NEK9: variants seen among roughly 807,000 people sequenced by gnomAD.
The protein encoded by NEK9 is serine/threonine-protein kinase Nek9.
NEK9 carries 75 observed loss-of-function variants against 123.4 expected under a neutral mutation model. The ratio of observed to expected loss-of-function variants is 0.61; its 90% confidence interval spans 0.50 to 0.74. NEK9 has a LOEUF of 0.74. Among genes scored for constraint, NEK9 ranks in the 30% least tolerant of loss-of-function variants. The pLI is 0.00. For missense variants in NEK9, 952 were observed against 1,214.4 expected (o/e 0.78, Z 3.21); for synonymous variants, 438 against 458.7 (o/e 0.95, Z 0.58).
chr14:75,112,665 T>TAGAAAAATTAGCCAGGCATGATGGTGCA (rs1277481869), intron 8 of NEK9, among the ~76,000 whole-genome samples: 3 of 152,002 alleles, frequency 2.0e-5, no homozygotes, highest in African/African-American at 7.2e-5. Flanking sequence ...TCTATAAAAA[T>TAGAAAAATTAGCCAGGCATGATGGTGCA]AGAAAAATTA....
chr14:75,110,224 C>T, intron 9 of NEK9, 97 bp downstream of exon 9: 4 of 920,948 alleles, frequency 4.3e-6, no homozygotes, highest in Non-Finnish European at 6.9e-6. Context: ...GAAAGGATGC[C>T]AAAGTATCCT....
At chr14:75,104,079 A>G (rs960721111) in intron 13 of NEK9, 82 bp from the exon 14 acceptor site, 2 of 1,384,382 alleles carry the variant, frequency 1.4e-6, no homozygotes, top group African/African-American at 2.9e-5. Context: ...TTCAAAAGAG[A>G]CATGCTGCAT....
chr14:75,106,358 C>T (rs998113433), intron 12 of NEK9, 144 bp downstream of exon 12: 9 of 639,992 alleles, frequency 1.4e-5, no homozygotes, highest in East Asian at 3.1e-5. Context: ...GACTCTGTCT[C>T]GAGAAAAAAA....
In NEK9 at chr14:75,101,145, G is replaced by A. The variant is rs201467809; in HGVS notation, c.1849C>T (p.Arg617Trp). The A allele has an allele frequency of 3.1e-6, 5 of 1,613,890 alleles. No individual in the cohort carries two copies. The highest frequency in any genetic ancestry group is 3.3e-5 in the Admixed American group (2 of 59,944). The stretch of plus-strand genomic sequence containing the variant: ...TTGTTGCAGCCAAAGGTCAGCAGCC[G>A]GCCTCGCTCTGAGAGAGAAGCAAAA... ...THTAAIDERGRLLTFGCNKCG... is the reference protein window; with the variant it reads ...THTAAIDERGWLLTFGCNKCG... The change falls in exon 16 of 22, where the codon CGG becomes TGG. Residue 617 changes from arginine to tryptophan, a missense_variant. Physicochemically the swap from Arg to Trp is moderately radical, Grantham distance 101. Coordinates refer to ENST00000238616, the MANE Select transcript of NEK9 (RefSeq NM_033116.6).
intron 16 of NEK9, 40 bp from the exon 17 acceptor site, chr14:75,097,310 C>G: frequency 6.7e-7 from 1 of 1,500,412 alleles, no homozygotes; most frequent in Non-Finnish European, 9.0e-7. Flanking sequence ...TAACAGAACA[C>G]TGGCTTCCCA....
In NEK9 at chr14:75,095,502, T is replaced by A. The variant is rs986760464; in HGVS notation, c.2174-71A>T. 2.4e-5 allele frequency: 24 copies of A among 981,394 alleles called. No individual in the cohort carries two copies. The African/African-American group carries it at 3.2e-4, about 13-fold the overall frequency. 60.8% of individuals were successfully genotyped at this position (981,394 alleles called of 1,614,324 possible). ...CAAGAAAAATGAGAGAAGACTAGGA[T>A]AGGGAGATAATTGCTCTCCTTGACT... On this transcript the variant is annotated intron_variant, in intron 17 of 21. Transcript: ENST00000238616.
intron 19 of NEK9, among the ~76,000 whole-genome samples, chr14:75,090,383 C>T (rs960091429): frequency 2.2e-4 from 33 of 150,880 alleles, no homozygotes; most frequent in African/African-American, 7.8e-4. Context: ...ATAAAATTCA[C>T]CAGCAATTCC....
In NEK9 at chr14:75,084,343, A is replaced by C; in HGVS notation, c.*221T>G. The C allele has an allele frequency of 1.8e-6, 1 of 565,186 alleles. No homozygotes were observed. The allele number at this position is 565,186 out of a possible 1,614,324, so 35.0% of individuals were successfully genotyped here. A position where few individuals can be genotyped will look rare whatever the true frequency, so the allele number is the denominator to read the frequency against. ...AGTCACTGATGACAAAGCCAGGGCC[A>C]TGGGGGCCCTTCCATTCTCCAAAAC... is the stretch of plus-strand genomic sequence containing the variant. On this transcript the variant is annotated 3_prime_UTR_variant, in exon 22 of 22. Transcript: ENST00000238616.
At chr14:75,088,144 A>G (rs1894085874) in intron 20 of NEK9, among the ~76,000 whole-genome samples, 1 of 152,214 alleles carries the variant, frequency 6.6e-6, no homozygotes, top group South Asian at 2.1e-4. Context: ...TCCTCACTAG[A>G]CTACCAGTAT....
chr14:75,127,008 C>G lies in NEK9; in HGVS notation c.-87G>C, dbSNP rs867540711. On this transcript the variant is annotated 5_prime_UTR_variant, in exon 1 of 22. Coordinates refer to ENST00000238616, the MANE Select transcript of NEK9 (RefSeq NM_033116.6). ...GTCCCGCTCGCTTCAGATGCCGGCC[C>G]GCGGATCCGTCAGCCCAGCAACCCC... The G allele has an allele frequency of 2.6e-6, 3 of 1,152,418 alleles. No homozygotes were observed. The highest frequency in any genetic ancestry group is 2.9e-4 in the Middle Eastern group (1 of 3,446). The allele number at this position is 1,152,418 out of a possible 1,614,324, so 71.4% of individuals were successfully genotyped here. A position where few individuals can be genotyped will look rare whatever the true frequency, so the allele number is the denominator to read the frequency against.
chr14:75,097,073 C>G, intron 17 of NEK9, 27 bp downstream of exon 17: 3 of 1,576,176 alleles, frequency 1.9e-6, no homozygotes, highest in Non-Finnish European at 2.6e-6. Context: ...CAAAGCCATC[C>G]CAACCCCAGA....
chr14:75,116,394 G>T, intron 6 of NEK9: 1 of 197,814 alleles, frequency 5.1e-6, no homozygotes, highest in South Asian at 8.4e-5. Flanking sequence ...CTATGATCAC[G>T]ACACTGCACT....
chr14:75,094,915 T>C (rs113061891), intron 18 of NEK9, among the ~76,000 whole-genome samples: 1 of 152,282 alleles, frequency 6.6e-6, no homozygotes, highest in Admixed American at 6.5e-5. Context: ...TAGAGAACCA[T>C]GAAGACAGCA....
chr14:75,107,504 T>G lies in NEK9; in HGVS notation c.1183-17A>C, dbSNP rs756664550. 1 of 1,559,116 alleles carries G rather than the reference T, an allele frequency of 6.4e-7. No homozygotes were observed. The highest frequency in any genetic ancestry group is 8.6e-7 in the Non-Finnish European group (1 of 1,159,064). On this transcript the variant is annotated splice_polypyrimidine_tract_variant and intron_variant, in intron 10 of 21. Transcript: ENST00000238616. The stretch of plus-strand genomic sequence containing the variant: ...TTGCATGTTCTGTGAAATAAAGAGG[T>G]CTTATGACTTTTTTTTTTAATTACA...
Position 75,086,625 on chromosome 14 carries a change from C to T in NEK9, c.2817+393G>A, listed in dbSNP as rs190126404. 1.1e-4 allele frequency: 19 copies of T among 170,716 alleles called. 1 individual carries two copies. Among genetic ancestry groups the T allele is most frequent in the Middle Eastern group, 6.1e-3 (2 of 330 alleles). The allele number at this position is 170,716 out of a possible 1,614,324, so 10.6% of individuals were successfully genotyped here. On this transcript the variant is annotated intron_variant, in intron 21 of 21. Coordinates refer to ENST00000238616, the MANE Select transcript of NEK9 (RefSeq NM_033116.6). ...AATGGTATCATTAAAAACTAAGGAT[C>T]GGCCAGGCGTGGTGGCTCACACCTG...
At chr14:75,112,559 C>T (rs1442135080) in intron 8 of NEK9, among the ~76,000 whole-genome samples, 1 of 152,220 alleles carries the variant, frequency 6.6e-6, no homozygotes, top group Non-Finnish European at 1.5e-5. Flanking sequence ...CATAGTGTCT[C>T]ATGCCTGTAA....
At chr14:75,088,284 T>C (rs967902166) in intron 20 of NEK9, among the ~76,000 whole-genome samples, 196 bp downstream of exon 20, 2 of 152,194 alleles carry the variant, frequency 1.3e-5, no homozygotes, top group South Asian at 4.1e-4. Flanking sequence ...CTGTCAGAAA[T>C]GTGGAAGGGT....
chr14:75,088,061 C>T (rs1180183918), intron 20 of NEK9, among the ~76,000 whole-genome samples: 2 of 152,116 alleles, frequency 1.3e-5, no homozygotes, highest in Non-Finnish European at 2.9e-5. Flanking sequence ...AGTTTCATGA[C>T]CTTGGATTAT....
In NEK9 at chr14:75,083,093, C is replaced by T. The variant is rs1893915275; in HGVS notation, c.*1471G>A. On this transcript the variant is annotated 3_prime_UTR_variant, in exon 22 of 22. Transcript: ENST00000238616. ...GAGAAATGGCAAAATTTCCATTGCA[C>T]AAGACCTCCCACAATGTTGATAAGA... 2 of 398,436 alleles carry T rather than the reference C, an allele frequency of 5.0e-6. No individual in the cohort carries two copies. The highest frequency in any genetic ancestry group is 4.4e-5 in the Admixed American group (1 of 22,710). The allele number at this position is 398,436 out of a possible 1,614,324, so 24.7% of individuals were successfully genotyped here.
Sources: gnomAD v4.1 joint callset for allele counts (sites outside exome capture counted in the v4.1 genomes callset) on GRCh38, gnomAD v4.1.1 for gene constraint, MANE v1.5 for transcripts, NCBI Gene and HGNC (gene_info 2026-07-23, HGNC 2026-07-21) for gene names.